Variants in MECR observed in about 807,000 individuals in gnomAD.
The protein encoded by MECR is mitochondrial trans-2-enoyl-CoA reductase.
A neutral mutation model predicts 49.1 loss-of-function variants in MECR; 37 were observed. The ratio of observed to expected loss-of-function variants is 0.75; its 90% CI spans 0.58 to 0.99. MECR has a LOEUF of 0.99. MECR is among the 50% of genes least tolerant of loss of function. The probability of loss-of-function intolerance (pLI) is 0.00; values close to 1 mark genes in which losing one functional copy is unlikely to be tolerated. For missense variants in MECR, 470 were observed against 479.6 expected (o/e 0.98, Z 0.19); for synonymous variants, 198 against 191.1 (o/e 1.04, Z -0.30).
At chr1:29,179,101 A>G in the MECR span, among the ~76,000 whole-genome samples, 15,613 of 152,178 alleles carry the variant, frequency 0.1, 1,037 homozygotes, top group African/African-American at 0.19. Flanking sequence ...TTATCGCTCC[A>G]TCTTCCTTTT....
chr1:29,187,763 G>A (rs553047092), downstream of MECR, among the ~76,000 whole-genome samples: 14 of 150,542 alleles, frequency 9.3e-5, no homozygotes, highest in Admixed American at 4.0e-4. Context: ...CAGGCCAGGC[G>A]AGGTGGCTCA....
chr1:29,182,253 G>C, the MECR span, among the ~76,000 whole-genome samples: 37 of 152,178 alleles, frequency 2.4e-4, no homozygotes, highest in Non-Finnish European at 4.9e-4. Context: ...GCTTCCAAAC[G>C]ATTGTGTACC....
chr1:29,218,996 C>G (rs1680128027), intron 1 of MECR, among the ~76,000 whole-genome samples: 1 of 152,070 alleles, frequency 6.6e-6, no homozygotes, highest in African/African-American at 2.4e-5. Context: ...AGTGGCTGAC[C>G]TGATTTGAAC....
downstream of MECR, among the ~76,000 whole-genome samples, chr1:29,192,127 A>G (rs1442805115): frequency 6.6e-6 from 1 of 151,322 alleles, no homozygotes; most frequent in Non-Finnish European, 1.5e-5. Flanking sequence ...AGTTTTTTCC[A>G]TATTGCTCCA....
At chr1:29,186,417 C>T in the MECR span, among the ~76,000 whole-genome samples, 1 of 152,202 alleles carries the variant, frequency 6.6e-6, no homozygotes, top group African/African-American at 2.4e-5. Context: ...ACAACACTTA[C>T]TACACAGTCT....
chr1:29,183,938 G>A, the MECR span, among the ~76,000 whole-genome samples: 1 of 149,560 alleles, frequency 6.7e-6, no homozygotes, highest in South Asian at 2.1e-4. Flanking sequence ...GCAGTGCAGC[G>A]GTGCGATCTC....
chr1:29,230,716 G>C lies in MECR; in HGVS notation c.176+15C>G, dbSNP rs777290233. ...AACCCCAGTCCCCTTCCCCGGCTTC[G>C]GCGCCGTCTCTTACTCGACGACCTT... On this transcript the variant is annotated intron_variant, in intron 1 of 9. Transcript: ENST00000263702. 3.2e-6 allele frequency: 5 copies of C among 1,562,288 alleles called. No individual in the cohort carries two copies. Among genetic ancestry groups the C allele is most frequent in the Non-Finnish European group, 4.3e-6 (5 of 1,153,038 alleles).
chr1:29,182,240 C>G, the MECR span, among the ~76,000 whole-genome samples: 1 of 152,086 alleles, frequency 6.6e-6, no homozygotes, highest in Non-Finnish European at 1.5e-5. Context: ...GGAATCAAAC[C>G]TAGCTTCCAA....
intron 3 of MECR, among the ~76,000 whole-genome samples, chr1:29,210,665 C>T (rs1403847652): frequency 2.6e-5 from 4 of 152,120 alleles, no homozygotes; most frequent in Non-Finnish European, 4.4e-5. Context: ...AGGCAGCACC[C>T]GTGGTCAGAG....
the MECR span, among the ~76,000 whole-genome samples, chr1:29,177,655 A>G: frequency 6.6e-6 from 1 of 152,104 alleles, no homozygotes; most frequent in Non-Finnish European, 1.5e-5. Context: ...AATGGTCTAT[A>G]TGATCCTGGG....
chr1:29,178,602 C>T, the MECR span, among the ~76,000 whole-genome samples: 1 of 151,798 alleles, frequency 6.6e-6, no homozygotes, highest in East Asian at 2.0e-4. Flanking sequence ...GTCATCTGCC[C>T]GCCTCGGCCT....
intron 5 of MECR, 90 bp from the exon 6 acceptor site, chr1:29,202,135 G>A (rs990651289): frequency 8.8e-6 from 10 of 1,140,696 alleles, no homozygotes; most frequent in African/African-American, 6.2e-5. Flanking sequence ...GGGAGAACCC[G>A]TGCTTCTTTT....
the MECR span, chr1:29,171,611 G>A: frequency 6.6e-6 from 1 of 151,836 alleles, no homozygotes; most frequent in Middle Eastern, 3.2e-3. Context: ...GAAGTTTTAA[G>A]ATTTCAGTGT....
intron 1 of MECR, chr1:29,230,518 C>A (rs1683159418): frequency 3.6e-6 from 2 of 558,652 alleles, no homozygotes; most frequent in African/African-American, 1.9e-5. Context: ...CAATAAACAT[C>A]AGCCATTAAT....
intron 2 of MECR, 88 bp downstream of exon 2, chr1:29,216,500 T>C (rs1403337931): frequency 1.5e-6 from 2 of 1,341,154 alleles, no homozygotes; most frequent in African/African-American, 1.4e-5. Flanking sequence ...ATCACAGGCA[T>C]TTCACACCCA....
intron 4 of MECR, among the ~76,000 whole-genome samples, chr1:29,204,750 T>C (rs1184749885): frequency 6.6e-6 from 1 of 152,170 alleles, no homozygotes; most frequent in Admixed American, 6.5e-5. Flanking sequence ...GCAGCCTAAA[T>C]GGGAGGTGGC....
chr1:29,204,849 C>T (rs1676182763), intron 4 of MECR, among the ~76,000 whole-genome samples: 1 of 152,246 alleles, frequency 6.6e-6, no homozygotes, highest in Non-Finnish European at 1.5e-5. Flanking sequence ...CTTTCTCCAC[C>T]AAAGGCTCCC....
chr1:29,203,181 G>C lies in MECR; in HGVS notation c.603C>G (p.Ile201Met). 6.3e-7 allele frequency: 1 copy of C among 1,587,238 alleles called. No homozygotes were observed. The highest frequency in any genetic ancestry group is 8.6e-7 in the Non-Finnish European group (1 of 1,163,220). Residue 201 changes from isoleucine (I) to methionine (M), a missense_variant, in exon 5 of 10, where the codon ATC (isoleucine) becomes ATG (methionine). Physicochemically the swap from Ile to Met is conservative, Grantham distance 10 (BLOSUM62 1). Transcript: ENST00000263702. ...ASNSGVGQAV[I>M]QIAAALGLRT... Reference sequence around the variant, plus strand: ...TTAGGCCCAGGGCTGCGGCGATCTGGATGACTGCTTGCCCCACTCCGCTGT... The same window carrying C: ...TTAGGCCCAGGGCTGCGGCGATCTGCATGACTGCTTGCCCCACTCCGCTGT...
At chr1:29,180,056 T>G in the MECR span, among the ~76,000 whole-genome samples, 2 of 152,274 alleles carry the variant, frequency 1.3e-5, no homozygotes, top group East Asian at 1.9e-4. Context: ...TGCCACTTAC[T>G]GCCTAAGCCA....
Sources: gnomAD v4.1 joint callset for allele counts (sites outside exome capture counted in the v4.1 genomes callset) on GRCh38, gnomAD v4.1.1 for gene constraint, MANE v1.5 for transcripts, NCBI Gene and HGNC (gene_info 2026-07-23, HGNC 2026-07-21) for gene names.